Variants in GPD1L observed in about 807,000 individuals in gnomAD.
GPD1L encodes the protein glycerol-3-phosphate dehydrogenase 1 like, also known as glycerol-3-phosphate dehydrogenase 1-like protein.
In GPD1L, 17 loss-of-function variants were observed where a neutral mutation model predicts 32.9. That is an observed-to-expected ratio of 0.52 (90% CI 0.35 to 0.78). The LOEUF is 0.78. Ranked by LOEUF, GPD1L falls within the 30% of genes least tolerant of loss-of-function variation. The probability of loss-of-function intolerance (pLI) is 0.01; values close to 1 mark genes in which losing one functional copy is unlikely to be tolerated. For synonymous variants in GPD1L, 187 were observed against 165.9 expected, an observed-to-expected ratio of 1.13 and a Z score of -0.98; for missense variants, 361 against 447.8, an observed-to-expected ratio of 0.81 and a Z score of 1.75.
At chr3:32,149,857 G>A (rs148488115) in intron 5 of GPD1L, among the ~76,000 whole-genome samples, 3,324 of 151,764 alleles carry the variant, frequency 0.022, 40 homozygotes, top group Non-Finnish European at 0.032. Flanking sequence ...GCTGAGGCAC[G>A]AGAATCACTT....
At chr3:32,165,775 G>A (rs1701138045) in intron 7 of GPD1L, 39 bp from the exon 8 acceptor site, 1 of 1,046,180 alleles carries the variant, frequency 9.6e-7, no homozygotes, top group Non-Finnish European at 1.5e-6. Flanking sequence ...GGTAAATCCA[G>A]TGGCCTAACT....
At chr3:32,145,781 T>C (rs993786791) in intron 4 of GPD1L, among the ~76,000 whole-genome samples, 2 of 152,210 alleles carry the variant, frequency 1.3e-5, no homozygotes, top group African/African-American at 4.8e-5. Flanking sequence ...TTGCACAAAC[T>C]GACATAGTTC....
At chr3:32,117,904 C>G (rs745884203) in intron 1 of GPD1L, among the ~76,000 whole-genome samples, 2 of 152,194 alleles carry the variant, frequency 1.3e-5, no homozygotes, top group Non-Finnish European at 2.9e-5. Context: ...CCTCCATTCA[C>G]TCAGATGAAC....
chr3:32,152,166 A>G (rs1700928145), intron 5 of GPD1L, among the ~76,000 whole-genome samples: 1 of 152,236 alleles, frequency 6.6e-6, no homozygotes, highest in Admixed American at 6.5e-5. Flanking sequence ...TTGGTGCTCC[A>G]GAAGTCTCAG....
chr3:32,148,882 A>G (rs1474367428), intron 5 of GPD1L, among the ~76,000 whole-genome samples: 4 of 152,210 alleles, frequency 2.6e-5, no homozygotes, highest in Admixed American at 2.6e-4. Flanking sequence ...TTTTCACACA[A>G]CAGAAAGGTG....
At chr3:32,116,598 TG>T (rs1399871046) in intron 1 of GPD1L, among the ~76,000 whole-genome samples, 1 of 140,472 alleles carries the variant, frequency 7.1e-6, no homozygotes, top group Non-Finnish European at 1.5e-5. Flanking sequence ...GATAGCAAGC[TG>T]GGGTGGGGAT....
At chr3:32,131,586 C>T (rs1014436473) in intron 2 of GPD1L, among the ~76,000 whole-genome samples, 24 of 152,176 alleles carry the variant, frequency 1.6e-4, no homozygotes, top group African/African-American at 2.4e-4. Context: ...ATCAATACTT[C>T]GTTCCTTTTT....
chr3:32,133,043 C>G (rs543143617), intron 2 of GPD1L, among the ~76,000 whole-genome samples: 1 of 152,152 alleles, frequency 6.6e-6, no homozygotes, highest in African/African-American at 2.4e-5. Flanking sequence ...CCAAGTATGA[C>G]ACTGCTATGT....
chr3:32,129,743 G>C (rs1330473205), intron 2 of GPD1L, among the ~76,000 whole-genome samples: 2 of 152,194 alleles, frequency 1.3e-5, no homozygotes, highest in African/African-American at 4.8e-5. Flanking sequence ...AGAGTTGTGA[G>C]CTTAGAAGTT....
intron 4 of GPD1L, among the ~76,000 whole-genome samples, chr3:32,145,223 G>A (rs1334569395): frequency 1.3e-5 from 2 of 152,090 alleles, no homozygotes; most frequent in Non-Finnish European, 2.9e-5. Context: ...GGAGGCTGAG[G>A]CGGGAGAATC....
intron 1 of GPD1L, among the ~76,000 whole-genome samples, chr3:32,124,627 G>A (rs1433688138): frequency 1.3e-5 from 2 of 152,122 alleles, no homozygotes; most frequent in Non-Finnish European, 2.9e-5. Context: ...AAAATATTGA[G>A]TTCAACATGG....
intron 2 of GPD1L, among the ~76,000 whole-genome samples, chr3:32,135,088 T>C (rs138446146): frequency 6.6e-6 from 1 of 152,308 alleles, no homozygotes; most frequent in East Asian, 1.9e-4. Context: ...CAAACCTATA[T>C]TTTTTCTCTT....
At chr3:32,146,484 C>T (rs965642135) in intron 4 of GPD1L, 138 bp from the exon 5 acceptor site, 3 of 667,032 alleles carry the variant, frequency 4.5e-6, no homozygotes, top group Admixed American at 4.7e-5. Context: ...TTTATTTCTG[C>T]TCCTATGTGT....
At chr3:32,145,361 G>A (rs1700804765) in intron 4 of GPD1L, among the ~76,000 whole-genome samples, 1 of 151,992 alleles carries the variant, frequency 6.6e-6, no homozygotes. Flanking sequence ...ATGATTTAAG[G>A]TAATAAATTT....
At chr3:32,121,739 A>ATATATATATTTCTATATATATATATTTC (rs1700423984) in intron 1 of GPD1L, among the ~76,000 whole-genome samples, 4 of 139,136 alleles carry the variant, frequency 2.9e-5, no homozygotes, top group Non-Finnish European at 6.1e-5. Flanking sequence ...ATATATTTCT[A>ATATATATATTTCTATATATATATATTTC]TATATATATT....
chr3:32,165,778 G>A, intron 7 of GPD1L, 36 bp from the exon 8 acceptor site: 1 of 1,079,908 alleles, frequency 9.3e-7, no homozygotes, highest in Non-Finnish European at 1.4e-6. Context: ...AAATCCAGTG[G>A]CCTAACTTTG....
intron 2 of GPD1L, among the ~76,000 whole-genome samples, chr3:32,137,051 G>A (rs570313012): frequency 6.6e-6 from 1 of 152,328 alleles, no homozygotes; most frequent in Admixed American, 6.5e-5. Context: ...AGAGAAAGGG[G>A]AGAAGGAATT....
chr3:32,151,243 G>C, intron 5 of GPD1L: 2 of 591,536 alleles, frequency 3.4e-6, no homozygotes, highest in South Asian at 3.3e-5. Context: ...TCCTTCATGT[G>C]TTTCAGGAAG....
At chr3:32,115,277 A>T (rs1040197692) in intron 1 of GPD1L, among the ~76,000 whole-genome samples, 6 of 151,424 alleles carry the variant, frequency 4.0e-5, no homozygotes, top group African/African-American at 1.2e-4. Context: ...CAGAGTGCTG[A>T]CTGGTGTGTT....
Sources: allele counts gnomAD v4.1 joint callset (sites outside exome capture counted in the v4.1 genomes callset), GRCh38; gene constraint gnomAD v4.1.1; transcripts MANE v1.5; gene names NCBI Gene and HGNC (gene_info 2026-07-23, HGNC 2026-07-21).